LRIG1: variants seen among roughly 807,000 people sequenced by gnomAD.
LRIG1 encodes leucine-rich repeats and immunoglobulin-like domains protein 1.
In LRIG1, 48 loss-of-function variants were observed where a neutral mutation model predicts 99.2. That is an observed-to-expected ratio of 0.48 (90% confidence interval 0.38 to 0.62). LRIG1 has a LOEUF of 0.62. Ranked by LOEUF, LRIG1 falls within the 20% of genes least tolerant of loss-of-function variation. The pLI is 0.00. For missense variants in LRIG1, 1,646 were observed against 1,434.4 expected, an observed-to-expected ratio of 1.15 and a Z score of -2.38; for synonymous variants, 772 against 596.1, an observed-to-expected ratio of 1.29 and a Z score of -4.30.
intron 1 of LRIG1, among the ~76,000 whole-genome samples, chr3:66,494,875 C>T (rs1172341579): frequency 6.6e-6 from 1 of 152,198 alleles, no homozygotes; most frequent in Non-Finnish European, 1.5e-5. Context: ...CAAAAAACTT[C>T]TCAGTCCTAG....
chr3:66,492,058 G>GT (rs1405084215), intron 1 of LRIG1, among the ~76,000 whole-genome samples: 2 of 152,176 alleles, frequency 1.3e-5, no homozygotes, highest in African/African-American at 4.8e-5. Context: ...CTAATCAGTT[G>GT]TAAGTTTTCT....
intron 1 of LRIG1, among the ~76,000 whole-genome samples, chr3:66,480,154 C>T (rs1183448553): frequency 6.6e-6 from 1 of 152,108 alleles, no homozygotes; most frequent in African/African-American, 2.4e-5. Flanking sequence ...GTACTGATAC[C>T]TGCCATAATA....
chr3:66,383,924 C>T, intron 14 of LRIG1, 67 bp downstream of exon 14: 2 of 1,549,942 alleles, frequency 1.3e-6, no homozygotes, highest in African/African-American at 1.4e-5. Flanking sequence ...CCACACAGAG[C>T]ATTTGAGAGT....
intron 1 of LRIG1, among the ~76,000 whole-genome samples, chr3:66,494,584 G>T (rs780353986): frequency 1.3e-5 from 2 of 152,186 alleles, no homozygotes; most frequent in Non-Finnish European, 2.9e-5. Flanking sequence ...TGAACAGATT[G>T]AAGTTATAAC....
chr3:66,465,992 CATA>C (rs1181783616), intron 1 of LRIG1, among the ~76,000 whole-genome samples: 2 of 152,148 alleles, frequency 1.3e-5, no homozygotes, highest in Non-Finnish European at 2.9e-5. Flanking sequence ...ATTCACTTAA[CATA>C]ATGTCTTCAA....
rs767736930 is a variant in LRIG1, at chr3:66,380,334, C to A, written c.3211G>T (p.Glu1071Ter). Residue 1071 changes from glutamate to a stop codon, truncating the protein, a stop_gained, in exon 19 of 19, where the codon GAG (glutamate) becomes TAG (stop). Transcript: ENST00000273261. LOFTEE classifies it high-confidence loss of function. ...AGCTGTCCTGTCAGTGGCGTGGACT[C>A]GGGACTGGCGTCACATGCTTTGGGG... is the stretch of plus-strand genomic sequence containing the variant. ...HLPKACDASP[E>*]STPLTGQLPG... The A allele has an allele frequency of 4.3e-6, 7 of 1,614,156 alleles. No individual in the cohort carries two copies. The Admixed American group carries it at 1.0e-4, about 23-fold the overall frequency.
At chr3:66,500,127 G>A (rs1010876489) in intron 1 of LRIG1, 63 bp downstream of exon 1, 3 of 1,344,206 alleles carry the variant, frequency 2.2e-6, no homozygotes, top group African/African-American at 3.0e-5. Flanking sequence ...ACGAACCCCC[G>A]CCGCTCCATC....
At position 66,401,568 on chromosome 3, in the gene LRIG1, G is replaced by C. The variant is rs927608460; in HGVS notation, c.1161-2527C>G. On this transcript the variant is annotated intron_variant, in intron 9 of 18. Coordinates refer to ENST00000273261, the MANE Select transcript of LRIG1 (RefSeq NM_015541.3). ...AAATTCTCAAATTCTCAATTATGCA[G>C]GGGCTAATCATCTTGTTGGTAGATT... is the stretch of plus-strand genomic sequence containing the variant. 3.0e-5 allele frequency: 39 copies of C among 1,311,676 alleles called. No homozygotes were observed. In the Middle Eastern group the frequency reaches 5.6e-4, roughly 19 times the overall value. 81.3% of individuals were successfully genotyped at this position (1,311,676 alleles called of 1,614,324 possible). A position where few individuals can be genotyped will look rare whatever the true frequency, so the allele number is the denominator to read the frequency against.
At chr3:66,461,676 A>G (rs533286460) in intron 2 of LRIG1, among the ~76,000 whole-genome samples, 8 of 152,316 alleles carry the variant, frequency 5.3e-5, no homozygotes, top group Admixed American at 3.3e-4. Flanking sequence ...TGTAGTTGCC[A>G]ATTTTTCTAC....
intron 3 of LRIG1, among the ~76,000 whole-genome samples, chr3:66,418,525 G>A (rs922926611): frequency 6.6e-6 from 1 of 152,218 alleles, no homozygotes; most frequent in Non-Finnish European, 1.5e-5. Context: ...GCGCCGCCTG[G>A]CAGAGTCAAA....
chr3:66,402,506 C>T (rs1035908987), intron 9 of LRIG1, among the ~76,000 whole-genome samples: 1 of 152,188 alleles, frequency 6.6e-6, no homozygotes, highest in African/African-American at 2.4e-5. Flanking sequence ...CTGCTACTCA[C>T]ATCTCCCTTT....
chr3:66,441,997 C>T (rs1335544224), intron 3 of LRIG1, among the ~76,000 whole-genome samples: 5 of 152,168 alleles, frequency 3.3e-5, no homozygotes, highest in Non-Finnish European at 4.4e-5. Flanking sequence ...TAGAGCAACG[C>T]CTGCCAATAT....
intron 1 of LRIG1, among the ~76,000 whole-genome samples, chr3:66,489,402 G>GTCCTA (rs962691463): frequency 5.3e-5 from 8 of 152,096 alleles, no homozygotes; most frequent in African/African-American, 1.9e-4. Context: ...CATGCCTGTA[G>GTCCTA]TCCTAGCTAC....
Position 66,379,954 on chromosome 3 carries a change from T to A in LRIG1, c.*309A>T, listed in dbSNP as rs1215013537. On this transcript the variant is annotated 3_prime_UTR_variant, in exon 19 of 19. Transcript: ENST00000273261. Reference sequence around the variant, plus strand: ...AGCAACCTGATACGAAAAATAATATTGTCAAAATTGTATAATTTTTTTCTG... The same window carrying A: ...AGCAACCTGATACGAAAAATAATATAGTCAAAATTGTATAATTTTTTTCTG... 2.3e-5 allele frequency: 4 copies of A among 175,582 alleles called. No homozygotes were observed. The highest frequency in any genetic ancestry group is 1.6e-4 in the South Asian group (1 of 6,198). 10.9% of individuals were successfully genotyped at this position (175,582 alleles called of 1,614,324 possible). A position where few individuals can be genotyped will look rare whatever the true frequency, so the allele number is the denominator to read the frequency against.
At chr3:66,462,906 A>G (rs929845183) in intron 1 of LRIG1, among the ~76,000 whole-genome samples, 1 of 152,162 alleles carries the variant, frequency 6.6e-6, no homozygotes, top group African/African-American at 2.4e-5. Flanking sequence ...AACATCAAGC[A>G]GCAGTAAAGG....
chr3:66,421,715 C>A (rs1421183715), intron 3 of LRIG1, among the ~76,000 whole-genome samples: 1 of 152,152 alleles, frequency 6.6e-6, no homozygotes, highest in South Asian at 2.1e-4. Context: ...TAGGCAGTGC[C>A]GCAGTAGGGA....
intron 1 of LRIG1, among the ~76,000 whole-genome samples, chr3:66,468,431 T>C (rs547871596): frequency 1.3e-5 from 2 of 152,240 alleles, no homozygotes; most frequent in Admixed American, 1.3e-4. Context: ...AAGCATTCCC[T>C]GAAGAATGAG....
chr3:66,426,899 A>C (rs1703001874), intron 3 of LRIG1, among the ~76,000 whole-genome samples: 1 of 152,248 alleles, frequency 6.6e-6, no homozygotes, highest in Non-Finnish European at 1.5e-5. Flanking sequence ...GTCCACAGTC[A>C]ACTATCTGAG....
At chr3:66,423,026 T>C (rs538200001) in intron 3 of LRIG1, among the ~76,000 whole-genome samples, 1 of 152,156 alleles carries the variant, frequency 6.6e-6, no homozygotes, top group South Asian at 2.1e-4. Context: ...CCCTCATAAT[T>C]CAATCACCTG....
Sources: allele counts gnomAD v4.1 joint callset (sites outside exome capture counted in the v4.1 genomes callset), GRCh38; gene constraint gnomAD v4.1.1; transcripts MANE v1.5; gene names NCBI Gene and HGNC (gene_info 2026-07-23, HGNC 2026-07-21).